C1orf141: variants seen among roughly 807,000 people sequenced by gnomAD.
C1orf141 encodes the protein chromosome 1 open reading frame 141, also known as uncharacterized protein C1orf141.
A neutral mutation model predicts 23.2 loss-of-function variants in C1orf141; 19 were observed. That is an observed-to-expected ratio of 0.82 (90% CI 0.57 to 1.20). The LOEUF is 1.20. Ranked by LOEUF, C1orf141 falls within the 50% of genes most tolerant of loss-of-function variation. The probability of loss-of-function intolerance (pLI) is 0.00; values close to 1 mark genes in which losing one functional copy is unlikely to be tolerated. For missense variants in C1orf141, 469 were observed against 455.1 expected (o/e 1.03, Z -0.28); for synonymous variants, 153 against 154.6 (o/e 0.99, Z 0.08).
At chr1:67,133,401 G>C (rs1402655696) in intron 1 of C1orf141, among the ~76,000 whole-genome samples, 1 of 152,136 alleles carries the variant, frequency 6.6e-6, no homozygotes, top group Non-Finnish European at 1.5e-5. Context: ...ACCACAGTAG[G>C]GACTCACTTC....
chr1:67,137,842 G>A (rs1646599244), upstream of C1orf141, among the ~76,000 whole-genome samples: 1 of 152,196 alleles, frequency 6.6e-6, no homozygotes, highest in African/African-American at 2.4e-5. Context: ...ATCAAAATTT[G>A]TACTTAATCA....
intron 1 of C1orf141, among the ~76,000 whole-genome samples, chr1:67,132,690 A>G (rs1260797072): frequency 6.6e-6 from 1 of 152,248 alleles, no homozygotes; most frequent in South Asian, 2.1e-4. Flanking sequence ...GTCTCTGAAT[A>G]TAAATTTTTA....
chr1:67,129,138 G>T (rs547377200), intron 2 of C1orf141, among the ~76,000 whole-genome samples: 6 of 151,926 alleles, frequency 3.9e-5, no homozygotes, highest in African/African-American at 1.5e-4. Flanking sequence ...TCCATCACAC[G>T]ATGTAGTCCA....
In C1orf141 at chr1:67,094,976, A is replaced by G. The variant is rs1037904312; in HGVS notation, c.603+259T>C. ...TTTTAAAAAATTCTTTTTATTCTAC[A>G]GTTCTATTATAATCAAGCAAATTTG... On this transcript the variant is annotated intron_variant, in intron 7 of 7. Coordinates refer to ENST00000684719, the MANE Select transcript of C1orf141 (RefSeq NM_001276351.2). 19 of 348,218 alleles carry G rather than the reference A, an allele frequency of 5.5e-5. 1 individual carries two copies. Among genetic ancestry groups the G allele is most frequent in the East Asian group, 3.5e-4 (7 of 19,844 alleles). The allele number at this position is 348,218 out of a possible 1,614,324, so 21.6% of individuals were successfully genotyped here. A position where few individuals can be genotyped will look rare whatever the true frequency, so the allele number is the denominator to read the frequency against.
rs557732943 is a variant in C1orf141, at chr1:67,093,670, A to C, written c.604-66T>G. ...GAGTCAAGAAAGCTCCATATATTTT[A>C]AAACATGTAAATAAAATTGTAAAAT... On this transcript the variant is annotated intron_variant, in intron 7 of 7. Transcript: ENST00000684719. The C allele has an allele frequency of 6.7e-5, 84 of 1,245,600 alleles. No homozygotes were observed. In the African/African-American group the frequency reaches 1.2e-3, roughly 17 times the overall value. The allele number at this position is 1,245,600 out of a possible 1,614,324, so 77.2% of individuals were successfully genotyped here. A position where few individuals can be genotyped will look rare whatever the true frequency, so the allele number is the denominator to read the frequency against.
In C1orf141 at chr1:67,127,204, C is replaced by T. The variant is rs1358965369; in HGVS notation, c.37G>A (p.Asp13Asn). The T allele has an allele frequency of 1.1e-5, 17 of 1,609,524 alleles. No individual in the cohort carries two copies. Among genetic ancestry groups the T allele is most frequent in the East Asian group, 2.2e-5 (1 of 44,660 alleles). Residue 13 changes from aspartate (D) to asparagine (N), a missense_variant, in exon 3 of 8, where the codon GAT (aspartate) becomes AAT (asparagine). By Grantham distance (23) the Asp-to-Asn change is conservative. This residue lies in a region of C1orf141 where 95 missense variants were observed against 90.3 expected (regional missense o/e 1.05). Transcript: ENST00000684719. ...GCCAAGATTATCTCTGCTTGCTTAT[C>T]AAGGACATCCAACTTCTCTAGGATT... ...EKILEKLDVL[D>N]KQAEIILARR...
At chr1:67,132,664 A>C (rs12569203) in intron 1 of C1orf141, among the ~76,000 whole-genome samples, 74,788 of 152,072 alleles carry the variant, frequency 0.49, 18,864 homozygotes, top group South Asian at 0.63. Context: ...TGAAAATTAC[A>C]ATTTAATTTG....
chr1:67,100,556 T>A (rs1645774930), intron 5 of C1orf141, among the ~76,000 whole-genome samples: 1 of 152,148 alleles, frequency 6.6e-6, no homozygotes, highest in Admixed American at 6.6e-5. Context: ...TTGTTTAAGT[T>A]TTTTCCTGGT....
Position 67,092,984 on chromosome 1 carries a change from T to C in C1orf141, c.*21A>G, listed in dbSNP as rs1268200093. 1.8e-5 allele frequency: 27 copies of C among 1,526,864 alleles called. No individual in the cohort carries two copies. The highest frequency in any genetic ancestry group is 2.4e-5 in the Non-Finnish European group (27 of 1,127,512). 94.6% of individuals were successfully genotyped at this position (1,526,864 alleles called of 1,614,324 possible). A position where few individuals can be genotyped will look rare whatever the true frequency, so the allele number is the denominator to read the frequency against. ...GGATATTTGCTTCTTGTTACTCAAATATTGCTGCATACATAATATTTTATG... is the reference window on the plus strand; with the variant it reads ...GGATATTTGCTTCTTGTTACTCAAACATTGCTGCATACATAATATTTTATG... On this transcript the variant is annotated 3_prime_UTR_variant, in exon 8 of 8. Transcript: ENST00000684719.
chr1:67,138,984 T>A (rs1479545683), upstream of C1orf141: 1 of 152,318 alleles, frequency 6.6e-6, no homozygotes, highest in East Asian at 1.9e-4. Flanking sequence ...CCTCTTCTAG[T>A]CTGCCTGTTA....
At chr1:67,137,537 A>G (rs886603185), upstream of C1orf141, among the ~76,000 whole-genome samples, 1 of 152,180 alleles carries the variant, frequency 6.6e-6, no homozygotes, top group Non-Finnish European at 1.5e-5. Context: ...GTTGATGGAT[A>G]CCACGTGACC....
intron 5 of C1orf141, among the ~76,000 whole-genome samples, chr1:67,112,357 C>A (rs1400315303): frequency 6.6e-6 from 1 of 152,038 alleles, no homozygotes; most frequent in Non-Finnish European, 1.5e-5. Context: ...GTGACTCCTG[C>A]CCAATGATGC....
chr1:67,100,156 C>A (rs772329509), intron 5 of C1orf141, among the ~76,000 whole-genome samples: 3 of 152,094 alleles, frequency 2.0e-5, no homozygotes, highest in African/African-American at 7.2e-5. Context: ...ATTCTCAGAT[C>A]GTTTTCCCCT....
chr1:67,105,807 G>C lies in C1orf141; in HGVS notation c.347-9486C>G, dbSNP rs190550826. ...TTGTATAGCTTTTAGCTTGAAGGCA[G>C]ACTGAAGTTGGCATTGTATGGAGCA... On this transcript the variant is annotated intron_variant, in intron 5 of 7. Transcript: ENST00000684719. Among the ~76,000 whole-genome samples, 324 of 152,302 alleles carry C rather than the reference G, an allele frequency of 2.1e-3. 4 individuals carry two copies. The highest frequency in any genetic ancestry group is 2.4e-3 in the Non-Finnish European group (164 of 68,022).
chr1:67,125,739 T>C lies in C1orf141; in HGVS notation c.233+13A>G. The C allele has an allele frequency of 6.2e-7, 1 of 1,611,026 alleles. No homozygotes were observed. Among genetic ancestry groups the C allele is most frequent in the Non-Finnish European group, 8.5e-7 (1 of 1,177,308 alleles). On this transcript the variant is annotated intron_variant, in intron 4 of 7. Coordinates refer to ENST00000684719, the MANE Select transcript of C1orf141 (RefSeq NM_001276351.2). ...ATTCTGAACTGAAAATTTAAGGTGG[T>C]TATGATAGTTACATTTTTGATTTTG...
chr1:67,112,230 C>T (rs548449800), intron 5 of C1orf141, among the ~76,000 whole-genome samples: 1 of 152,272 alleles, frequency 6.6e-6, no homozygotes, highest in Non-Finnish European at 1.5e-5. Flanking sequence ...TATAGAAATA[C>T]TTTCTGAGTT....
At chr1:67,134,993 C>T (rs537010760), upstream of C1orf141, 1 of 152,096 alleles carries the variant, frequency 6.6e-6, no homozygotes. Context: ...CCCTTCAGTC[C>T]CTTAGCAACG....
At chr1:67,096,096 A>G in intron 6 of C1orf141, 156 bp downstream of exon 6, 1 of 468,786 alleles carries the variant, frequency 2.1e-6, no homozygotes, top group Non-Finnish European at 3.8e-6. Flanking sequence ...TCTGGATGTG[A>G]TATCTAGTGG....
intron 2 of C1orf141, 56 bp from the exon 3 acceptor site, chr1:67,127,313 T>C (rs1646434020): frequency 2.0e-6 from 2 of 981,336 alleles, no homozygotes; most frequent in South Asian, 2.9e-5. Flanking sequence ...AACATAAAAC[T>C]AGGCATAAGT....
Sources: gnomAD v4.1 joint callset for allele counts (sites outside exome capture counted in the v4.1 genomes callset) on GRCh38, gnomAD v4.1.1 for gene constraint, gnomAD v4.1.1 regional missense constraint, MANE v1.5 for transcripts, NCBI Gene and HGNC (gene_info 2026-07-23, HGNC 2026-07-21) for gene names.